OXR1: variants seen among roughly 807,000 people sequenced by gnomAD.
OXR1 encodes oxidation resistance protein 1.
Under a neutral mutation model 104.6 loss-of-function variants are expected in OXR1, and 41 were observed. The ratio of observed to expected loss-of-function variants is 0.39; its 90% CI spans 0.31 to 0.51. The LOEUF (loss-of-function observed/expected upper bound fraction) is 0.51, where lower values mean the gene tolerates loss of function less well. Among genes scored for constraint, OXR1 ranks in the 20% least tolerant of loss-of-function variants. OXR1 has a pLI of 0.77. For synonymous variants in OXR1, 348 were observed against 348.4 expected, an observed-to-expected ratio of 1.00 and a Z score of 0.01; for missense variants, 955 against 1,031.9, an observed-to-expected ratio of 0.93 and a Z score of 1.02.
At chr8:106,720,669 A>C in intron 11 of OXR1, 4 of 928,628 alleles carry the variant, frequency 4.3e-6, no homozygotes, top group Non-Finnish European at 3.9e-6. Context: ...GCTCCCTTAC[A>C]TACCACAGGA....
At chr8:106,670,811 G>C (rs1309574194) in intron 3 of OXR1, among the ~76,000 whole-genome samples, 2 of 152,054 alleles carry the variant, frequency 1.3e-5, no homozygotes, top group Non-Finnish European at 2.9e-5. Flanking sequence ...CCTGAAAGTA[G>C]ATGAGAGATA....
At chr8:106,707,889 A>G (rs1021733092) in intron 9 of OXR1, among the ~76,000 whole-genome samples, 7 of 152,154 alleles carry the variant, frequency 4.6e-5, no homozygotes, top group Non-Finnish European at 7.4e-5. Flanking sequence ...TTTAAATTCA[A>G]AGATTTTTGT....
At chr8:106,482,258 G>A (rs1014031703) in intron 2 of OXR1, among the ~76,000 whole-genome samples, 2 of 152,042 alleles carry the variant, frequency 1.3e-5, no homozygotes, top group South Asian at 2.1e-4. Context: ...GTATGGGCAT[G>A]CCTGCTCCAA....
At chr8:106,641,339 A>G (rs1823611823) in intron 3 of OXR1, among the ~76,000 whole-genome samples, 1 of 152,220 alleles carries the variant, frequency 6.6e-6, no homozygotes, top group African/African-American at 2.4e-5. Context: ...CCAGAAAGAT[A>G]TGTCAGGAAG....
chr8:106,597,741 G>A (rs954859160), intron 3 of OXR1, among the ~76,000 whole-genome samples: 1 of 152,104 alleles, frequency 6.6e-6, no homozygotes, highest in Non-Finnish European at 1.5e-5. Flanking sequence ...CCCCTTAAGC[G>A]ATCCCACATT....
intron 2 of OXR1, among the ~76,000 whole-genome samples, chr8:106,502,203 C>T (rs1466502272): frequency 6.6e-6 from 1 of 152,202 alleles, no homozygotes; most frequent in African/African-American, 2.4e-5. Context: ...AGCAAGGCTT[C>T]ACACTTGGTT....
rs1006733677 is a variant in OXR1 at position 106,336,032 on chromosome 8, G to T, written c.-138-23444G>T. On this transcript the variant is annotated intron_variant, in intron 1 of 16. Coordinates refer to ENST00000517566, the MANE Select transcript of OXR1 (RefSeq NM_001198533.2). The stretch of plus-strand genomic sequence containing the variant: ...AATCACCTGAACCCCGGAGGCAGAG[G>T]TTGCGGTGAGCCAAGATCATGCCAC... Among the ~76,000 whole-genome samples the T allele has an allele frequency of 3.3e-5, 5 of 152,208 alleles. No homozygotes were observed. In the South Asian group the frequency reaches 6.2e-4, roughly 19 times the overall value.
rs574135490 is a variant in OXR1, at chr8:106,740,787, G to A, written c.2316+292G>A. Among the ~76,000 whole-genome samples the A allele has an allele frequency of 4.6e-5, 7 of 152,212 alleles. No homozygotes were observed. The East Asian group carries it at 1.4e-3, about 29-fold the overall frequency. On this transcript the variant is annotated intron_variant, in intron 14 of 16. Transcript: ENST00000517566. ...GTAGGTTTCTTAGAACCTAGAAAAA[G>A]TGAGGAAATAAGAATGAGGTTCATG...
At chr8:106,490,905 T>C (rs1259527523) in intron 2 of OXR1, among the ~76,000 whole-genome samples, 3 of 152,132 alleles carry the variant, frequency 2.0e-5, no homozygotes, top group African/African-American at 4.8e-5. Flanking sequence ...TATGGAGGGT[T>C]GGTGAGCCAA....
intron 3 of OXR1, among the ~76,000 whole-genome samples, chr8:106,522,002 G>T (rs948892411): frequency 9.2e-5 from 14 of 152,008 alleles, no homozygotes; most frequent in African/African-American, 3.4e-4. Flanking sequence ...GCCCTCTTGT[G>T]GCCAAGTAAG....
chr8:106,485,984 A>G (rs903888992), intron 2 of OXR1, among the ~76,000 whole-genome samples: 7 of 152,018 alleles, frequency 4.6e-5, no homozygotes, highest in African/African-American at 1.4e-4. Context: ...GTTTGAGGAG[A>G]TATTGTTCAA....
At chr8:106,381,976 T>G (rs1338918183) in intron 2 of OXR1, among the ~76,000 whole-genome samples, 3 of 152,224 alleles carry the variant, frequency 2.0e-5, no homozygotes, top group Non-Finnish European at 4.4e-5. Flanking sequence ...TCTAAACATT[T>G]CTTTCTAAAT....
chr8:106,397,248 A>C (rs1817817582), intron 2 of OXR1, among the ~76,000 whole-genome samples: 1 of 152,086 alleles, frequency 6.6e-6, no homozygotes, highest in Non-Finnish European at 1.5e-5. Context: ...TATGTATATA[A>C]ATTTTAAAGC....
chr8:106,354,059 C>G (rs1207338436), intron 1 of OXR1, among the ~76,000 whole-genome samples: 1 of 151,642 alleles, frequency 6.6e-6, no homozygotes, highest in Non-Finnish European at 1.5e-5. Context: ...TTTCAAATGA[C>G]AGAATTTCTT....
intron 1 of OXR1, among the ~76,000 whole-genome samples, chr8:106,281,477 G>A (rs1310954671): frequency 6.6e-6 from 1 of 152,146 alleles, no homozygotes; most frequent in Non-Finnish European, 1.5e-5. Context: ...TCATGAAAAC[G>A]TTCGGACAAT....
intron 1 of OXR1, among the ~76,000 whole-genome samples, chr8:106,353,195 C>T (rs1243863108): frequency 3.3e-5 from 5 of 151,950 alleles, no homozygotes; most frequent in Non-Finnish European, 5.9e-5. Flanking sequence ...CAAAAAAATA[C>T]AAACATTAGC....
chr8:106,609,217 TG>T (rs1820629771), intron 3 of OXR1, among the ~76,000 whole-genome samples: 1 of 151,848 alleles, frequency 6.6e-6, no homozygotes, highest in South Asian at 2.1e-4. Context: ...AAGACCAGCT[TG>T]GACAAAAAAG....
At chr8:106,602,685 A>T (rs1820062864) in intron 3 of OXR1, among the ~76,000 whole-genome samples, 2 of 152,184 alleles carry the variant, frequency 1.3e-5, no homozygotes, top group African/African-American at 4.8e-5. Flanking sequence ...GTATATATAC[A>T]TGTATATATG....
chr8:106,696,238 C>T (rs1163715234), intron 7 of OXR1, among the ~76,000 whole-genome samples: 1 of 152,092 alleles, frequency 6.6e-6, no homozygotes, highest in Non-Finnish European at 1.5e-5. Context: ...TGAATGAATT[C>T]ATATTGGCTT....
Sources: gnomAD v4.1 joint callset for allele counts (sites outside exome capture counted in the v4.1 genomes callset) on GRCh38, gnomAD v4.1.1 for gene constraint, MANE v1.5 for transcripts, NCBI Gene and HGNC (gene_info 2026-07-23, HGNC 2026-07-21) for gene names.